Variants in FOXN3 observed in about 807,000 individuals in gnomAD.
FOXN3 encodes the protein forkhead box N3.
Under a neutral mutation model 38.4 loss-of-function variants are expected in FOXN3, and 7 were observed. The ratio of observed to expected loss-of-function variants is 0.18; its 90% CI spans 0.10 to 0.34. The LOEUF (loss-of-function observed/expected upper bound fraction) is 0.34, where lower values mean the gene tolerates loss of function less well. FOXN3 is among the 10% of genes least tolerant of loss of function. The probability of loss-of-function intolerance (pLI) is 1.00; values close to 1 mark genes in which losing one functional copy is unlikely to be tolerated. For missense variants in FOXN3, 456 were observed against 613.4 expected (o/e 0.74, Z 2.71); for synonymous variants, 230 against 242.2 (o/e 0.95, Z 0.47).
chr14:89,372,853 A>C (rs893047321), intron 2 of FOXN3, among the ~76,000 whole-genome samples: 1 of 152,240 alleles, frequency 6.6e-6, no homozygotes, highest in Non-Finnish European at 1.5e-5. Flanking sequence ...AATGTTAAAA[A>C]TAAAATTTAA....
rs773882735 is a variant in FOXN3, at chr14:89,280,919, G to A, written c.745+31C>T. The A allele has an allele frequency of 1.5e-4, 233 of 1,587,006 alleles. 3 individuals carry two copies. In the South Asian group the frequency reaches 2.4e-3, roughly 17 times the overall value. On this transcript the variant is annotated intron_variant, in intron 4 of 5. Coordinates refer to ENST00000557258, the MANE Select transcript of FOXN3 (RefSeq NM_005197.4). ...ATGAAAGGCGGGTGGGTGAGGGGGAGGGAGAGGAAGGGGTGTTACTAGGGA... is the reference window on the plus strand; with the variant it reads ...ATGAAAGGCGGGTGGGTGAGGGGGAAGGAGAGGAAGGGGTGTTACTAGGGA...
At chr14:89,465,096 A>ACC (rs1892946970) in intron 1 of FOXN3, among the ~76,000 whole-genome samples, 1 of 152,168 alleles carries the variant, frequency 6.6e-6, no homozygotes, top group Admixed American at 6.5e-5. Flanking sequence ...CCGCCACGTG[A>ACC]AGAAGGATGT....
intron 1 of FOXN3, among the ~76,000 whole-genome samples, chr14:89,520,375 C>T (rs1363850787): frequency 6.6e-6 from 1 of 152,168 alleles, no homozygotes; most frequent in African/African-American, 2.4e-5. Context: ...CTAGTCAATG[C>T]AACATGGGAC....
chr14:89,430,313 C>A (rs543097391), intron 1 of FOXN3, among the ~76,000 whole-genome samples: 2 of 152,306 alleles, frequency 1.3e-5, no homozygotes, highest in East Asian at 1.9e-4. Flanking sequence ...CCATACAGAA[C>A]CTGCTTCCAG....
intron 1 of FOXN3, among the ~76,000 whole-genome samples, chr14:89,589,991 G>A (rs1895917887): frequency 6.6e-6 from 1 of 152,202 alleles, no homozygotes; most frequent in South Asian, 2.1e-4. Context: ...GCTTGGCACA[G>A]GGGAGGGACT....
intron 1 of FOXN3, among the ~76,000 whole-genome samples, chr14:89,614,604 G>A (rs1896456760): frequency 6.6e-6 from 1 of 152,136 alleles, no homozygotes; most frequent in South Asian, 2.1e-4. Context: ...ATTCCCCAAG[G>A]TCTTCTCTAG....
intron 1 of FOXN3, among the ~76,000 whole-genome samples, chr14:89,574,442 G>T (rs1268186319): frequency 1.3e-5 from 2 of 152,166 alleles, no homozygotes; most frequent in Admixed American, 6.5e-5. Flanking sequence ...TTGGTGGCTG[G>T]CAGGGAGAGA....
At chr14:89,171,623 TA>T (rs1244649619) in intron 5 of FOXN3, among the ~76,000 whole-genome samples, 1 of 151,888 alleles carries the variant, frequency 6.6e-6, no homozygotes, top group African/African-American at 2.4e-5. Context: ...TTCACCACAG[TA>T]AAAAAAAGAA....
chr14:89,386,387 C>T (rs922826964), intron 2 of FOXN3, among the ~76,000 whole-genome samples: 8 of 152,216 alleles, frequency 5.3e-5, no homozygotes, highest in African/African-American at 1.7e-4. Flanking sequence ...AGGTCGTCCA[C>T]GGACAGCCGC....
chr14:89,462,066 T>C (rs1170740163), intron 1 of FOXN3, among the ~76,000 whole-genome samples: 1 of 152,254 alleles, frequency 6.6e-6, no homozygotes, highest in African/African-American at 2.4e-5. Context: ...GAATACTTGC[T>C]GGCTGGAAGG....
intron 1 of FOXN3, among the ~76,000 whole-genome samples, chr14:89,457,962 G>A (rs1268806657): frequency 6.6e-5 from 10 of 150,996 alleles, no homozygotes; most frequent in African/African-American, 1.5e-4. Context: ...TGCAGTGAGC[G>A]GAGGTTGCAG....
intron 2 of FOXN3, among the ~76,000 whole-genome samples, chr14:89,410,888 A>AAAAAAAG (rs913380741): frequency 2.0e-5 from 3 of 147,970 alleles, no homozygotes; most frequent in Non-Finnish European, 4.5e-5. Context: ...AAAAAGAGGA[A>AAAAAAAG]AAAAAAGAAA....
chr14:89,300,959 G>C (rs1887199854), intron 3 of FOXN3, among the ~76,000 whole-genome samples: 1 of 151,822 alleles, frequency 6.6e-6, no homozygotes, highest in African/African-American at 2.4e-5. Flanking sequence ...CCCATGCCCG[G>C]CTAATTTTTT....
intron 4 of FOXN3, among the ~76,000 whole-genome samples, chr14:89,208,697 A>T (rs1331946016): frequency 6.6e-6 from 1 of 152,214 alleles, no homozygotes; most frequent in Non-Finnish European, 1.5e-5. Flanking sequence ...ATTTTCATAT[A>T]GACAGACTCT....
intron 3 of FOXN3, among the ~76,000 whole-genome samples, chr14:89,323,908 C>T (rs1219743905): frequency 6.6e-6 from 1 of 152,136 alleles, no homozygotes; most frequent in Non-Finnish European, 1.5e-5. Context: ...CTGTCATTTA[C>T]TAGCACTGTA....
At chr14:89,451,929 C>T (rs1391261441) in intron 1 of FOXN3, among the ~76,000 whole-genome samples, 1 of 152,144 alleles carries the variant, frequency 6.6e-6, no homozygotes, top group African/African-American at 2.4e-5. Context: ...CCTACCCTGT[C>T]TCAACATCTC....
intron 1 of FOXN3, among the ~76,000 whole-genome samples, chr14:89,438,852 C>T (rs1454945806): frequency 6.6e-6 from 1 of 152,082 alleles, no homozygotes; most frequent in African/African-American, 2.4e-5. Flanking sequence ...CAACCTCCGC[C>T]TCCCAGGTTC....
At position 89,535,792 on chromosome 14, in the gene FOXN3, T is replaced by C. The variant is rs181202088; in HGVS notation, c.-15+83236A>G. On this transcript the variant is annotated intron_variant, in intron 1 of 6. Transcript: ENST00000345097. ...TCATTATATTCTCTACAATTTCACT[T>C]TTTACCTCTTCATAATATGGATCTT... Among the ~76,000 whole-genome samples the C allele has an allele frequency of 3.0e-4, 46 of 152,336 alleles. No individual in the cohort carries two copies. The East Asian group carries it at 8.5e-3, about 28-fold the overall frequency.
chr14:89,333,602 A>G (rs955564368), intron 3 of FOXN3, among the ~76,000 whole-genome samples: 2 of 151,400 alleles, frequency 1.3e-5, no homozygotes, highest in African/African-American at 4.9e-5. Flanking sequence ...TCTACTAAAA[A>G]TACAAAACAA....
Sources: gnomAD v4.1 joint callset for allele counts (sites outside exome capture counted in the v4.1 genomes callset) on GRCh38, gnomAD v4.1.1 for gene constraint, MANE v1.5 for transcripts, NCBI Gene and HGNC (gene_info 2026-07-23, HGNC 2026-07-21) for gene names.